STK33: variants seen among roughly 807,000 people sequenced by gnomAD.
STK33 encodes the protein serine/threonine-protein kinase 33.
STK33 carries 52 observed loss-of-function variants against 58.0 expected under a neutral mutation model. The observed-to-expected ratio is 0.90, with a 90% confidence interval of 0.72 to 1.13. The LOEUF (loss-of-function observed/expected upper bound fraction) is 1.13, where lower values mean the gene tolerates loss of function less well. Among genes scored for constraint, STK33 ranks in the 50% most tolerant of loss-of-function variants. The pLI is 0.00. For synonymous variants in STK33, 215 were observed against 200.1 expected, an observed-to-expected ratio of 1.07 and a Z score of -0.63; for missense variants, 630 against 604.2, an observed-to-expected ratio of 1.04 and a Z score of -0.45.
At chr11:8,344,969 C>A in the STK33 span, among the ~76,000 whole-genome samples, 1 of 152,206 alleles carries the variant, frequency 6.6e-6, no homozygotes, top group African/African-American at 2.4e-5. Context: ...CCCTGCCTGG[C>A]AAAGACCCCA....
At chr11:8,398,446 G>A (rs1159654218) in intron 15 of STK33, among the ~76,000 whole-genome samples, 1 of 152,128 alleles carries the variant, frequency 6.6e-6, no homozygotes, top group Non-Finnish European at 1.5e-5. Flanking sequence ...TGCCCTAAAA[G>A]AGCTCCCGAA....
At chr11:8,440,811 C>T (rs772140720) in intron 11 of STK33, 58 bp from the exon 12 acceptor site, 19 of 1,484,464 alleles carry the variant, frequency 1.3e-5, no homozygotes, top group East Asian at 2.5e-5. Context: ...CTTTTAAATG[C>T]TTAAACACAA....
chr11:8,408,269 T>C (rs1214314426), intron 15 of STK33, among the ~76,000 whole-genome samples: 2 of 152,062 alleles, frequency 1.3e-5, no homozygotes, highest in Non-Finnish European at 2.9e-5. Flanking sequence ...CCCAACACAA[T>C]GGGTTGGTTC....
chr11:8,385,742 T>C, the STK33 span, among the ~76,000 whole-genome samples: 571 of 152,300 alleles, frequency 3.7e-3, 5 homozygotes, highest in African/African-American at 0.013. Flanking sequence ...CCAACAACTA[T>C]TTCTTGAATG....
chr11:8,410,748 C>T (rs910378984), intron 15 of STK33, among the ~76,000 whole-genome samples: 1 of 152,262 alleles, frequency 6.6e-6, no homozygotes, highest in East Asian at 1.9e-4. Flanking sequence ...GCTGGGATTA[C>T]AGGCGTGAAC....
At chr11:8,437,367 C>T (rs1480654053) in intron 12 of STK33, among the ~76,000 whole-genome samples, 1 of 152,132 alleles carries the variant, frequency 6.6e-6, no homozygotes, top group Non-Finnish European at 1.5e-5. Flanking sequence ...ACAATATCAA[C>T]AAATGTCAGC....
At chr11:8,494,607 T>C (rs1950900182) in intron 1 of STK33, among the ~76,000 whole-genome samples, 1 of 152,162 alleles carries the variant, frequency 6.6e-6, no homozygotes, top group Admixed American at 6.5e-5. Context: ...TTAAAGTTCA[T>C]ACGGAACCAA....
At chr11:8,449,580 G>T (rs573992745) in intron 11 of STK33, among the ~76,000 whole-genome samples, 2 of 144,614 alleles carry the variant, frequency 1.4e-5, no homozygotes, top group Non-Finnish European at 1.5e-5. Context: ...GGAATTGAAC[G>T]ATGAGAACAC....
intron 1 of STK33, among the ~76,000 whole-genome samples, chr11:8,591,545 T>G (rs758362531): frequency 3.1e-4 from 47 of 152,188 alleles, no homozygotes; most frequent in Non-Finnish European, 5.7e-4. Flanking sequence ...ACTCTCACTA[T>G]AACAAGAGTT....
At chr11:8,539,812 C>G (rs559168843) in intron 1 of STK33, among the ~76,000 whole-genome samples, 11 of 152,242 alleles carry the variant, frequency 7.2e-5, no homozygotes, top group East Asian at 3.9e-4. Context: ...TAACTCATAA[C>G]TGTAGTACGT....
At chr11:8,440,492 T>C (rs1392349048) in intron 12 of STK33, among the ~76,000 whole-genome samples, 186 bp downstream of exon 12, 1 of 152,182 alleles carries the variant, frequency 6.6e-6, no homozygotes, top group East Asian at 1.9e-4. Flanking sequence ...AAATTTACAG[T>C]ATTAAAAAAT....
At chr11:8,372,967 A>G in the STK33 span, among the ~76,000 whole-genome samples, 10 of 152,168 alleles carry the variant, frequency 6.6e-5, no homozygotes, top group Admixed American at 6.5e-4. Flanking sequence ...AAAAGACCCC[A>G]TGCAGCAGGG....
intron 14 of STK33, among the ~76,000 whole-genome samples, chr11:8,425,832 T>C (rs987405601): frequency 2.0e-5 from 3 of 151,822 alleles, no homozygotes; most frequent in Admixed American, 6.6e-5. Context: ...TGGCAGGGCA[T>C]GCAGTGGGGG....
intron 14 of STK33, among the ~76,000 whole-genome samples, chr11:8,416,073 T>C (rs757931380): frequency 3.7e-4 from 56 of 152,300 alleles, no homozygotes; most frequent in Middle Eastern, 3.4e-3. Context: ...AGTTCACACA[T>C]AGACAGCAAA....
At chr11:8,410,922 T>C (rs777620314) in intron 15 of STK33, among the ~76,000 whole-genome samples, 7 of 152,230 alleles carry the variant, frequency 4.6e-5, no homozygotes, top group Admixed American at 2.0e-4. Context: ...CCTTCCTCTA[T>C]GGTTATGGGG....
chr11:8,400,743 C>A (rs1322015734), intron 15 of STK33, among the ~76,000 whole-genome samples: 1 of 152,198 alleles, frequency 6.6e-6, no homozygotes, highest in Non-Finnish European at 1.5e-5. Flanking sequence ...CCCAAAATCT[C>A]CTTAAGCTGA....
chr11:8,454,931 T>C, intron 9 of STK33, 99 bp from the exon 10 acceptor site: 1 of 1,200,006 alleles, frequency 8.3e-7, no homozygotes, highest in Non-Finnish European at 1.1e-6. Flanking sequence ...ATATCCGCTG[T>C]TGAAAAATTT....
chr11:8,336,104 G>C, the STK33 span, among the ~76,000 whole-genome samples: 2 of 152,226 alleles, frequency 1.3e-5, no homozygotes, highest in East Asian at 1.9e-4. Context: ...AGATGGAAGA[G>C]CCCTGGGCTG....
At chr11:8,362,930 CT>C in the STK33 span, among the ~76,000 whole-genome samples, 1 of 151,894 alleles carries the variant, frequency 6.6e-6, no homozygotes, top group Non-Finnish European at 1.5e-5. Context: ...CCCTCCTTTC[CT>C]TTTTTCCTTC....
Sources: allele counts gnomAD v4.1 joint callset (sites outside exome capture counted in the v4.1 genomes callset), GRCh38; gene constraint gnomAD v4.1.1; transcripts MANE v1.5; gene names NCBI Gene and HGNC (gene_info 2026-07-23, HGNC 2026-07-21).